The following ITGAM variants were observed in gnomAD, a reference collection of about 807,000 sequenced individuals.
ITGAM encodes the protein integrin alpha-M.
ITGAM carries 79 observed loss-of-function variants against 137.5 expected under a neutral mutation model. The ratio of observed to expected loss-of-function variants is 0.57; its 90% CI spans 0.48 to 0.69. The LOEUF (loss-of-function observed/expected upper bound fraction) is 0.69. Among genes scored for constraint, ITGAM ranks in the 30% least tolerant of loss-of-function variants. The pLI, the probability that ITGAM is intolerant of heterozygous loss-of-function variation, is 0.00. For missense variants in ITGAM, 1,343 were observed against 1,483.5 expected (o/e 0.91, Z 1.56); for synonymous variants, 583 against 592.3 (o/e 0.98, Z 0.23).
At chr16:31,307,009 A>G (rs927134191) in intron 14 of ITGAM, among the ~76,000 whole-genome samples, 1 of 152,120 alleles carries the variant, frequency 6.6e-6, no homozygotes, top group African/African-American at 2.4e-5. Flanking sequence ...CACAAAAGAA[A>G]AAAAGAAAAG....
In ITGAM at chr16:31,297,635, T is replaced by A; in HGVS notation, c.1478T>A (p.Val493Glu). ...CAGACCCGAGGGGGCCAGGTGTCCGTGTGCCCCTTGCCCAGGGGGGTGAGT... is the reference window on the plus strand; with the variant it reads ...CAGACCCGAGGGGGCCAGGTGTCCGAGTGCCCCTTGCCCAGGGGGGTGAGT... ...YEQTRGGQVSVCPLPRGRARW... is the reference protein window; with the variant it reads ...YEQTRGGQVSECPLPRGRARW... The change falls in exon 13 of 30, where the codon GTG becomes GAG. Residue 493 changes from valine to glutamate, a missense_variant. Val to Glu is a moderately radical substitution (Grantham distance 121). Coordinates refer to ENST00000544665, the MANE Select transcript of ITGAM (RefSeq NM_000632.4). The A allele has an allele frequency of 6.2e-7, 1 of 1,613,436 alleles. No homozygotes were observed. The highest frequency in any genetic ancestry group is 8.5e-7 in the Non-Finnish European group (1 of 1,179,886).
intron 22 of ITGAM, among the ~76,000 whole-genome samples, chr16:31,327,621 A>AT (rs1185143071): frequency 7.2e-4 from 109 of 151,634 alleles, no homozygotes; most frequent in African/African-American, 2.3e-3. Flanking sequence ...AATAATAATA[A>AT]AAAATAAAAG....
chr16:31,302,428 C>CTTCTTTCTTTCTTTCT (rs201632413), intron 14 of ITGAM, among the ~76,000 whole-genome samples: 1 of 103,126 alleles, frequency 9.7e-6, no homozygotes, highest in African/African-American at 5.5e-5. Flanking sequence ...TTCTTTCTTT[C>CTTCTTTCTTTCTTTCT]TTCTTTCTTT....
At chr16:31,275,456 A>G (rs2048110427) in intron 8 of ITGAM, 93 bp from the exon 9 acceptor site, 1 of 1,327,104 alleles carries the variant, frequency 7.5e-7, no homozygotes, top group Non-Finnish European at 1.1e-6. Context: ...CACTTGATAA[A>G]TAATGGTTCA....
chr16:31,284,461 CA>C (rs1268905511), intron 12 of ITGAM, among the ~76,000 whole-genome samples: 3 of 146,536 alleles, frequency 2.0e-5, no homozygotes, highest in African/African-American at 8.1e-5. Flanking sequence ...TGCCACCTTG[CA>C]GCTTGATCTC....
intron 12 of ITGAM, among the ~76,000 whole-genome samples, chr16:31,288,454 C>T (rs36055763): frequency 0.13 from 19,326 of 152,122 alleles, 1,360 homozygotes; most frequent in South Asian, 0.2. Context: ...AATAATTCCA[C>T]ATGTCTACAA....
At position 31,324,597 on chromosome 16, in the gene ITGAM, A is replaced by C. The variant is rs1025832555; in HGVS notation, c.2157+44A>C. On this transcript the variant is annotated intron_variant, in intron 17 of 29. Coordinates refer to ENST00000544665, the MANE Select transcript of ITGAM (RefSeq NM_000632.4). This position sits in a 1 kb window ranked among gnomAD's most constrained non-coding sequence, Gnocchi z 4.5. ...AGACCCCTGGGTCTTCCAAGCATGG[A>C]GTGGGCTTGGGGAGCTGAGGAGGGC... 1 of 1,610,820 alleles carries C rather than the reference A, an allele frequency of 6.2e-7. No homozygotes were observed. Among genetic ancestry groups the C allele is most frequent in the South Asian group, 1.1e-5 (1 of 90,422 alleles).
At chr16:31,299,645 C>A (rs2080174598) in intron 14 of ITGAM, among the ~76,000 whole-genome samples, 1 of 152,150 alleles carries the variant, frequency 6.6e-6, no homozygotes, top group African/African-American at 2.4e-5. Context: ...TAAGTGAAAC[C>A]ACGCCGTATT....
At chr16:31,299,411 C>T (rs149859603) in intron 14 of ITGAM, among the ~76,000 whole-genome samples, 2 of 151,990 alleles carry the variant, frequency 1.3e-5, no homozygotes, top group East Asian at 3.9e-4. Context: ...TGGGTTCAAG[C>T]GATTCTCCTC....
intron 14 of ITGAM, among the ~76,000 whole-genome samples, chr16:31,298,448 A>T (rs2080161677): frequency 6.6e-6 from 1 of 152,154 alleles, no homozygotes; most frequent in Non-Finnish European, 1.5e-5. Flanking sequence ...TTCCAGATTG[A>T]TTATTTCTAC....
At chr16:31,291,617 A>G (rs9938063) in intron 12 of ITGAM, among the ~76,000 whole-genome samples, 27,107 of 152,084 alleles carry the variant, frequency 0.18, 3,056 homozygotes, top group African/African-American at 0.31. Context: ...CATAAGATGA[A>G]TGAATCTTGT....
chr16:31,303,616 C>T (rs2080237418), intron 14 of ITGAM, among the ~76,000 whole-genome samples: 1 of 152,148 alleles, frequency 6.6e-6, no homozygotes, highest in South Asian at 2.1e-4. Flanking sequence ...CCAGACTCCC[C>T]TTCCCCAAGT....
At chr16:31,273,911 G>T in intron 8 of ITGAM, among the ~76,000 whole-genome samples, 1 of 152,182 alleles carries the variant, frequency 6.6e-6, no homozygotes, top group Non-Finnish European at 1.5e-5. Flanking sequence ...TTGGCAACCT[G>T]GCTCTCATTC....
intron 12 of ITGAM, 126 bp from the exon 13 acceptor site, chr16:31,297,388 A>G: frequency 1.6e-6 from 2 of 1,229,588 alleles, no homozygotes; most frequent in Admixed American, 2.1e-5. Context: ...ATCATGAACC[A>G]TATAGAAGAT....
In ITGAM at chr16:31,266,417, TAA is replaced by T. The variant is rs11331941; in HGVS notation, c.427+289_427+290del. 4.4e-3 allele frequency among the ~76,000 whole-genome samples: 567 copies of T among 129,550 alleles called. 4 individuals carry two copies. The highest frequency in any genetic ancestry group is 2.7e-3 in the East Asian group (12 of 4,400). 85.0% of individuals were successfully genotyped at this position (129,550 alleles called of 152,430 possible). The stretch of plus-strand genomic sequence containing the variant: ...GGGCAATGTAGTGAGATCCTGTCTC[TAA>T]AAAAAAAAAAAAAAAAAATTAGCTG... On this transcript the variant is annotated intron_variant, in intron 5 of 29. Coordinates refer to ENST00000544665, the MANE Select transcript of ITGAM (RefSeq NM_000632.4).
Sources: allele counts gnomAD v4.1 joint callset (sites outside exome capture counted in the v4.1 genomes callset), GRCh38; gene constraint gnomAD v4.1.1; non-coding constraint Gnocchi (gnomAD v3.1); transcripts MANE v1.5; gene names NCBI Gene and HGNC (gene_info 2026-07-23, HGNC 2026-07-21).